The following DNM3 variants were observed in gnomAD, a reference collection of about 807,000 sequenced individuals.
DNM3 encodes the protein dynamin-3.
Under a neutral mutation model 101.6 loss-of-function variants are expected in DNM3, and 47 were observed. That is an observed-to-expected ratio of 0.46 (90% CI 0.37 to 0.59). The LOEUF (loss-of-function observed/expected upper bound fraction) is 0.59, where lower values mean the gene tolerates loss of function less well. DNM3 is among the 20% of genes least tolerant of loss of function. The probability of loss-of-function intolerance (pLI) is 0.00; values close to 1 mark genes in which losing one functional copy is unlikely to be tolerated. For missense variants in DNM3, 849 were observed against 1,085.7 expected (o/e 0.78, Z 3.06); for synonymous variants, 385 against 387.9 (o/e 0.99, Z 0.09).
intron 4 of DNM3, among the ~76,000 whole-genome samples, chr1:172,016,185 TCA>T (rs2047441453): frequency 7.4e-6 from 1 of 135,382 alleles, no homozygotes; most frequent in Non-Finnish European, 1.6e-5. Flanking sequence ...AGACTCCATC[TCA>T]AAAAAAAAAA....
chr1:172,377,564 A>ATATATAT (rs992146566), intron 17 of DNM3, among the ~76,000 whole-genome samples: 16 of 98,034 alleles, frequency 1.6e-4, no homozygotes, highest in African/African-American at 5.6e-4. Context: ...ATATATATAT[A>ATATATAT]TATATATATA....
intron 17 of DNM3, among the ~76,000 whole-genome samples, chr1:172,369,497 A>G (rs1031614979): frequency 6.6e-6 from 1 of 151,904 alleles, no homozygotes; most frequent in African/African-American, 2.4e-5. Flanking sequence ...ATATGACAAA[A>G]CCACAGCTAA....
At chr1:171,951,426 C>T (rs571438965) in intron 2 of DNM3, among the ~76,000 whole-genome samples, 19 of 152,234 alleles carry the variant, frequency 1.2e-4, no homozygotes, top group South Asian at 1.0e-3. Flanking sequence ...ATGAAAGTTT[C>T]GTTTGTCATC....
intron 4 of DNM3, among the ~76,000 whole-genome samples, chr1:172,014,726 T>G (rs1251487573): frequency 6.6e-6 from 1 of 152,136 alleles, no homozygotes; most frequent in Non-Finnish European, 1.5e-5. Flanking sequence ...TGCAATTGTT[T>G]TCTTCTAGTC....
At chr1:172,010,001 G>A (rs189687291) in intron 4 of DNM3, among the ~76,000 whole-genome samples, 21 of 151,628 alleles carry the variant, frequency 1.4e-4, no homozygotes, top group African/African-American at 5.1e-4. Flanking sequence ...CTTTTGCTTA[G>A]GTGCTTTTTA....
intron 18 of DNM3, among the ~76,000 whole-genome samples, chr1:172,379,800 T>C (rs1003534366): frequency 3.3e-5 from 5 of 152,020 alleles, no homozygotes; most frequent in Middle Eastern, 3.2e-3. Context: ...AGGTTATTTA[T>C]AGTAGTCAGA....
In DNM3 at chr1:172,041,790, A is replaced by G. The variant is rs572269088; in HGVS notation, c.993-219A>G. Among the ~76,000 whole-genome samples, 3 of 152,338 alleles carry G rather than the reference A, an allele frequency of 2.0e-5. No individual in the cohort carries two copies. In the South Asian group the frequency reaches 6.2e-4, roughly 32 times the overall value. On this transcript the variant is annotated intron_variant, in intron 7 of 20. Transcript: ENST00000627582. ...ACAGAAGGCATTGAAAGACAACTAT[A>G]TTTAAATATTTATTCTAATTAAATG...
At chr1:172,190,347 C>A (rs991566791) in intron 14 of DNM3, among the ~76,000 whole-genome samples, 3 of 152,018 alleles carry the variant, frequency 2.0e-5, no homozygotes, top group Non-Finnish European at 4.4e-5. Context: ...TGAACTCATC[C>A]TTTTTTATGG....
chr1:172,058,684 G>A (rs1005402292), intron 10 of DNM3, among the ~76,000 whole-genome samples: 4 of 151,946 alleles, frequency 2.6e-5, no homozygotes, highest in Non-Finnish European at 5.9e-5. Context: ...TCTCTGGGAT[G>A]CATTTAAAGC....
intron 11 of DNM3, among the ~76,000 whole-genome samples, chr1:172,074,031 T>C (rs1232950439): frequency 1.3e-5 from 2 of 152,182 alleles, no homozygotes; most frequent in Non-Finnish European, 2.9e-5. Flanking sequence ...TATTTTCATG[T>C]TGCCTGGGAC....
intron 10 of DNM3, among the ~76,000 whole-genome samples, chr1:172,054,102 T>C (rs1179598933): frequency 6.6e-6 from 1 of 152,198 alleles, no homozygotes; most frequent in Non-Finnish European, 1.5e-5. Context: ...TTATAGCATA[T>C]ATACATATAT....
intron 14 of DNM3, chr1:172,144,775 C>T (rs1399263747): frequency 3.0e-6 from 1 of 330,398 alleles, no homozygotes; most frequent in Non-Finnish European, 6.2e-6. Flanking sequence ...GATTTCCAGT[C>T]TTGACGTGGC....
chr1:172,274,418 C>T (rs548523678), intron 15 of DNM3, among the ~76,000 whole-genome samples: 1 of 152,136 alleles, frequency 6.6e-6, no homozygotes, highest in Admixed American at 6.6e-5. Flanking sequence ...ACAACATAAG[C>T]ATATCCCTTG....
intron 17 of DNM3, among the ~76,000 whole-genome samples, chr1:172,327,529 T>C (rs1480790530): frequency 6.6e-6 from 1 of 152,188 alleles, no homozygotes; most frequent in African/African-American, 2.4e-5. Context: ...GTTATAATCA[T>C]GGTGAATGAA....
chr1:172,273,727 C>T (rs745720417), intron 15 of DNM3, among the ~76,000 whole-genome samples: 14 of 152,042 alleles, frequency 9.2e-5, no homozygotes, highest in Non-Finnish European at 1.3e-4. Context: ...TTTTGATAAA[C>T]TTCTCTGTAT....
intron 14 of DNM3, among the ~76,000 whole-genome samples, chr1:172,242,011 G>T (rs1364480541): frequency 6.6e-6 from 1 of 152,154 alleles, no homozygotes; most frequent in Non-Finnish European, 1.5e-5. Context: ...AATCTATTAA[G>T]ATTCTGTGCC....
chr1:171,947,183 T>A (rs868272101), intron 2 of DNM3, among the ~76,000 whole-genome samples: 1 of 152,330 alleles, frequency 6.6e-6, no homozygotes, highest in South Asian at 2.1e-4. Context: ...AACAGATAGC[T>A]ATTCCTTTAA....
intron 12 of DNM3, among the ~76,000 whole-genome samples, chr1:172,083,650 TTATA>T (rs1343479999): frequency 6.6e-6 from 1 of 152,188 alleles, no homozygotes; most frequent in Non-Finnish European, 1.5e-5. Context: ...TTTAAACATA[TTATA>T]TAACCCGTGC....
intron 13 of DNM3, among the ~76,000 whole-genome samples, chr1:172,125,720 G>A (rs553279225): frequency 5.3e-5 from 8 of 152,100 alleles, no homozygotes; most frequent in Non-Finnish European, 1.2e-4. Flanking sequence ...TGTAATTATG[G>A]GTTTGCTTGT....
Sources: allele counts gnomAD v4.1 joint callset (sites outside exome capture counted in the v4.1 genomes callset), GRCh38; gene constraint gnomAD v4.1.1; transcripts MANE v1.5; gene names NCBI Gene and HGNC (gene_info 2026-07-23, HGNC 2026-07-21).